Variants in TENM2 observed in about 807,000 individuals in gnomAD.
The protein encoded by TENM2 is teneurin-2.
In TENM2, 52 loss-of-function variants were observed where a neutral mutation model predicts 245.2. That is an observed-to-expected ratio of 0.21 (90% CI 0.17 to 0.27). The LOEUF (loss-of-function observed/expected upper bound fraction) is 0.27. Ranked by LOEUF, TENM2 falls within the 10% of genes least tolerant of loss-of-function variation. The pLI is 1.00. For synonymous variants in TENM2, 1,363 were observed against 1,438.9 expected (o/e 0.95, Z 1.19); for missense variants, 3,046 against 3,666.8 (o/e 0.83, Z 4.37).
chr5:168,132,711 A>G (rs930355266), intron 12 of TENM2, among the ~76,000 whole-genome samples: 2 of 152,258 alleles, frequency 1.3e-5, no homozygotes, highest in African/African-American at 4.8e-5. Context: ...TCCAGGCTCA[A>G]AGAAAGGGGA....
At chr5:167,649,744 T>C (rs1033861912) in intron 2 of TENM2, among the ~76,000 whole-genome samples, 8 of 152,256 alleles carry the variant, frequency 5.3e-5, no homozygotes, top group African/African-American at 1.9e-4. Context: ...GCTAACAATG[T>C]ATTAGGTATC....
At chr5:167,356,928 C>A (rs534481705) in intron 1 of TENM2, among the ~76,000 whole-genome samples, 1 of 152,120 alleles carries the variant, frequency 6.6e-6, no homozygotes, top group African/African-American at 2.4e-5. Flanking sequence ...TCTCTCTGAC[C>A]TAAAAGTTTA....
chr5:167,768,263 A>G (rs1025962816), intron 2 of TENM2, among the ~76,000 whole-genome samples: 2 of 152,076 alleles, frequency 1.3e-5, no homozygotes, highest in Non-Finnish European at 2.9e-5. Flanking sequence ...ATAGTTCTTT[A>G]TGTGATGATT....
chr5:167,571,997 A>C (rs964230494), intron 2 of TENM2, among the ~76,000 whole-genome samples: 1 of 152,036 alleles, frequency 6.6e-6, no homozygotes, highest in East Asian at 1.9e-4. Context: ...TTTCCCTTCT[A>C]CATCTGAGCA....
At chr5:167,087,793 C>CT in the TENM2 span, among the ~76,000 whole-genome samples, 4,632 of 143,714 alleles carry the variant, frequency 0.032, 85 homozygotes, top group Non-Finnish European at 0.044. Flanking sequence ...CAATATCTCT[C>CT]TTTTTTTTTT....
At chr5:167,866,491 C>G (rs1232943908) in intron 2 of TENM2, among the ~76,000 whole-genome samples, 1 of 138,528 alleles carries the variant, frequency 7.2e-6, no homozygotes, top group East Asian at 2.0e-4. Flanking sequence ...CAGTGAGACT[C>G]CATCTCAAAA....
At chr5:167,527,465 C>T (rs1771200905) in intron 2 of TENM2, among the ~76,000 whole-genome samples, 2 of 152,028 alleles carry the variant, frequency 1.3e-5, no homozygotes, top group South Asian at 4.1e-4. Flanking sequence ...GTTGCATTCT[C>T]TGGACTCTGT....
the TENM2 span, among the ~76,000 whole-genome samples, chr5:167,018,747 AGAT>A: frequency 1.3e-5 from 2 of 148,242 alleles, no homozygotes; most frequent in African/African-American, 5.0e-5. Flanking sequence ...GAAAATTTAA[AGAT>A]GATCTACACT....
chr5:167,519,082 A>G (rs1368501768), intron 2 of TENM2, among the ~76,000 whole-genome samples: 1 of 152,124 alleles, frequency 6.6e-6, no homozygotes, highest in Admixed American at 6.6e-5. Flanking sequence ...TGAATCCATA[A>G]TGTTTACCCC....
intron 2 of TENM2, among the ~76,000 whole-genome samples, chr5:167,385,856 ATG>A (rs60407919): frequency 0.15 from 20,733 of 138,760 alleles, 1,491 homozygotes; most frequent in East Asian, 0.29. Flanking sequence ...TTATATATAT[ATG>A]TGTGTGTGTG....
the TENM2 span, among the ~76,000 whole-genome samples, chr5:167,225,434 A>G: frequency 6.6e-6 from 1 of 151,904 alleles, no homozygotes; most frequent in Non-Finnish European, 1.5e-5. Flanking sequence ...TATAGTTTCT[A>G]TCCTTCATTC....
intron 2 of TENM2, among the ~76,000 whole-genome samples, chr5:167,758,741 C>T (rs531832030): frequency 6.6e-6 from 1 of 152,170 alleles, no homozygotes; most frequent in African/African-American, 2.4e-5. Flanking sequence ...CTGATTTTCT[C>T]GAGCCATGCA....
chr5:167,810,300 T>C (rs1766538965), intron 2 of TENM2, among the ~76,000 whole-genome samples: 1 of 152,136 alleles, frequency 6.6e-6, no homozygotes, highest in Admixed American at 6.6e-5. Flanking sequence ...CCATGGAAAT[T>C]ACTAAATCAC....
At position 167,346,981 on chromosome 5, in the gene TENM2, C is replaced by T. The variant is rs145525977; in HGVS notation, c.227-28217C>T. Reference sequence around the variant, plus strand: ...TAGAGACAGGGTCTTGCCATGTTGCCCAGGCTGGTCTTAAACTCCCGAGCT... The same window carrying T: ...TAGAGACAGGGTCTTGCCATGTTGCTCAGGCTGGTCTTAAACTCCCGAGCT... On this transcript the variant is annotated intron_variant, in intron 1 of 28. Transcript: ENST00000518659. 8.0e-3 allele frequency among the ~76,000 whole-genome samples: 1,222 copies of T among 152,008 alleles called. 7 individuals carry two copies. Among genetic ancestry groups the T allele is most frequent in the Middle Eastern group, 0.014 (4 of 294 alleles).
chr5:167,656,385 C>T lies in TENM2; in HGVS notation c.503-219601C>T, dbSNP rs1011354743. Among the ~76,000 whole-genome samples, 3 of 152,064 alleles carry T rather than the reference C, an allele frequency of 2.0e-5. No homozygotes were observed. In the South Asian group the frequency reaches 6.2e-4, roughly 32 times the overall value. The stretch of plus-strand genomic sequence containing the variant: ...GAGCACGCATGGCCTGTTTGCAGGT[C>T]CCTGAGGTGTGAACAATCGTGGCAT... On this transcript the variant is annotated intron_variant, in intron 2 of 28. Coordinates refer to ENST00000518659, the Ensembl canonical transcript of TENM2.
intron 9 of TENM2, among the ~76,000 whole-genome samples, chr5:168,116,367 AG>A (rs1290025957): frequency 6.6e-6 from 1 of 152,190 alleles, no homozygotes; most frequent in Non-Finnish European, 1.5e-5. Flanking sequence ...AAGCATTTTG[AG>A]GGGAAATGAC....
intron 2 of TENM2, among the ~76,000 whole-genome samples, chr5:167,565,698 G>A (rs1406139911): frequency 6.6e-6 from 1 of 152,124 alleles, no homozygotes; most frequent in East Asian, 1.9e-4. Context: ...AGAAGTTGAG[G>A]TAGACAGCGG....
chr5:167,403,474 T>C (rs184120908), intron 2 of TENM2, among the ~76,000 whole-genome samples: 1 of 152,310 alleles, frequency 6.6e-6, no homozygotes, highest in Non-Finnish European at 1.5e-5. Flanking sequence ...GGATATTCCT[T>C]CTAATGATTT....
At chr5:168,248,392 G>A in intron 27 of TENM2, 21 bp downstream of exon 29, 1 of 1,598,740 alleles carries the variant, frequency 6.3e-7, no homozygotes, top group Non-Finnish European at 8.5e-7. Context: ...TGCCACCAAA[G>A]GTGGGCAGTG....
Sources: gnomAD v4.1 joint callset for allele counts (sites outside exome capture counted in the v4.1 genomes callset) on GRCh38, gnomAD v4.1.1 for gene constraint, MANE v1.5 for transcripts, NCBI Gene and HGNC (gene_info 2026-07-23, HGNC 2026-07-21) for gene names.